ADD2: variants seen among roughly 807,000 people sequenced by gnomAD.
The protein encoded by ADD2 is adducin 2.
In ADD2, 23 loss-of-function variants were observed where a neutral mutation model predicts 83.0. The observed-to-expected ratio is 0.28, with a 90% CI of 0.20 to 0.39. ADD2 has a LOEUF of 0.39. Among genes scored for constraint, ADD2 ranks in the 10% least tolerant of loss-of-function variants. The pLI, the probability that ADD2 is intolerant of heterozygous loss-of-function variation, is 1.00. For synonymous variants in ADD2, 375 were observed against 375.4 expected, an observed-to-expected ratio of 1.00 and a Z score of 0.01; for missense variants, 758 against 944.9, an observed-to-expected ratio of 0.80 and a Z score of 2.59.
In ADD2 at chr2:70,761,226, A is replaced by AT. The variant is rs377105152; in HGVS notation, c.-154+6659_-154+6660insA. 5.0e-3 allele frequency among the ~76,000 whole-genome samples: 619 copies of AT among 122,798 alleles called. 3 individuals carry two copies. Among genetic ancestry groups the AT allele is most frequent in the African/African-American group, 0.012 (285 of 24,264 alleles). The allele number at this position is 122,798 out of a possible 152,430, so 80.6% of individuals were successfully genotyped here. ...ATTCTGGAAAGCAAAAGCATGCATTACTTTTTTTTTTTTTTAAAGACAATA... is the reference window on the plus strand; with the variant it reads ...ATTCTGGAAAGCAAAAGCATGCATTATCTTTTTTTTTTTTTTAAAGACAATA... On this transcript the variant is annotated intron_variant, in intron 1 of 15. Coordinates refer to ENST00000264436, the MANE Select transcript of ADD2 (RefSeq NM_001617.4).
At chr2:70,745,212 G>A (rs1388398938) in intron 1 of ADD2, among the ~76,000 whole-genome samples, 2 of 152,096 alleles carry the variant, frequency 1.3e-5, no homozygotes, top group Non-Finnish European at 1.5e-5. Context: ...TGTGAACCCG[G>A]AGGGCGGAGC....
At position 70,663,414 on chromosome 2, in the gene ADD2, G is replaced by A. The variant is rs1031364020; in HGVS notation, c.*11C>T. On this transcript the variant is annotated 3_prime_UTR_variant, in exon 16 of 16. Coordinates refer to ENST00000264436, the MANE Select transcript of ADD2 (RefSeq NM_001617.4). ...GAGAGGAGGCAGGAGGGAGCCCAAG[G>A]GTGTCATGAATCAGGACTCCACTTT... The A allele has an allele frequency of 1.2e-6, 2 of 1,607,986 alleles. No homozygotes were observed. The highest frequency in any genetic ancestry group is 3.5e-4 in the Middle Eastern group (2 of 5,688).
intron 5 of ADD2, 64 bp from the exon 6 acceptor site, chr2:70,695,865 G>A (rs372250866): frequency 2.9e-6 from 4 of 1,400,034 alleles, no homozygotes; most frequent in East Asian, 2.3e-5. Context: ...AGGACACTGT[G>A]CTTGAATCCC....
intron 10 of ADD2, among the ~76,000 whole-genome samples, chr2:70,680,365 T>A (rs1553369326): frequency 1.3e-5 from 2 of 152,264 alleles, no homozygotes; most frequent in African/African-American, 4.8e-5. Flanking sequence ...CTGGATTCTC[T>A]AAGCTGTTGC....
intron 1 of ADD2, among the ~76,000 whole-genome samples, chr2:70,739,357 G>T (rs924068971): frequency 4.6e-5 from 7 of 152,138 alleles, no homozygotes; most frequent in African/African-American, 1.2e-4. Flanking sequence ...AGGTCAGAAT[G>T]GTTATTATTA....
chr2:70,764,384 A>G (rs1484975400), intron 1 of ADD2, among the ~76,000 whole-genome samples: 1 of 151,916 alleles, frequency 6.6e-6, no homozygotes, highest in Admixed American at 6.5e-5. Context: ...ATCCCTGCCA[A>G]TAGAGCAGTG....
intron 1 of ADD2, among the ~76,000 whole-genome samples, chr2:70,721,198 A>G (rs1418984249): frequency 6.6e-6 from 1 of 152,138 alleles, no homozygotes; most frequent in African/African-American, 2.4e-5. Flanking sequence ...TGTTGTTGAC[A>G]TTTTCCTTAC....
At chr2:70,729,445 T>C (rs1238669500) in intron 1 of ADD2, among the ~76,000 whole-genome samples, 1 of 152,194 alleles carries the variant, frequency 6.6e-6, no homozygotes, top group African/African-American at 2.4e-5. Context: ...AAGAAATTTC[T>C]ATTTACCTTG....
chr2:70,711,004 T>TA (rs1392123854), intron 2 of ADD2: 3 of 152,138 alleles, frequency 2.0e-5, no homozygotes, highest in African/African-American at 7.2e-5. Flanking sequence ...TGTTTTAGTC[T>TA]AAAAAACTAA....
chr2:70,664,794 TG>T, intron 15 of ADD2, among the ~76,000 whole-genome samples: 1 of 151,736 alleles, frequency 6.6e-6, no homozygotes, highest in East Asian at 1.9e-4. Context: ...TTGTGTGTGG[TG>T]TAAGTGTGTA....
rs1553365435 is a variant in ADD2 at position 70,663,416 on chromosome 2, T to C, written c.*9A>G. The C allele has an allele frequency of 2.5e-6, 4 of 1,607,124 alleles. No homozygotes were observed. Among genetic ancestry groups the C allele is most frequent in the Non-Finnish European group, 3.4e-6 (4 of 1,176,504 alleles). Reference sequence around the variant, plus strand: ...GAGGAGGCAGGAGGGAGCCCAAGGGTGTCATGAATCAGGACTCCACTTTCT... The same window carrying C: ...GAGGAGGCAGGAGGGAGCCCAAGGGCGTCATGAATCAGGACTCCACTTTCT... On this transcript the variant is annotated 3_prime_UTR_variant, in exon 16 of 16. Coordinates refer to ENST00000264436, the MANE Select transcript of ADD2 (RefSeq NM_001617.4).
intron 4 of ADD2, 104 bp from the exon 5 acceptor site, chr2:70,696,500 A>G: frequency 1.4e-6 from 2 of 1,463,246 alleles, no homozygotes; most frequent in Admixed American, 3.9e-5. Context: ...TGCACAGGAG[A>G]CTTCCCCAGG....
rs146561886 is a variant in ADD2, at chr2:70,683,703, C to T, written c.1013G>A (p.Arg338Gln). ...NLILLEQEKH[R>Q]PHEVGSVQWA... ...CTGCACGGAGCCCACCTCATGGGGC[C>T]GGTGCTTCTCCTGCTCCAGGAGGAT... Residue 338 changes from arginine to glutamine, a missense_variant, in exon 10 of 16, where the codon CGG becomes CAG. Around this residue, in one of 5 missense-constraint regions of ADD2, gnomAD observed 394 missense variants for 509.3 expected, o/e 0.77. Coordinates refer to ENST00000264436, the MANE Select transcript of ADD2 (RefSeq NM_001617.4). 3.3e-5 allele frequency: 53 copies of T among 1,614,006 alleles called. No individual in the cohort carries two copies. The highest frequency in any genetic ancestry group is 3.8e-5 in the Non-Finnish European group (45 of 1,180,018).
chr2:70,768,157 T>G lies in ADD2; in HGVS notation c.-425A>C. On this transcript the variant is annotated 5_prime_UTR_variant, in exon 1 of 16. Coordinates refer to ENST00000264436, the MANE Select transcript of ADD2 (RefSeq NM_001617.4). ...CCGCTAGTCCCTCACAGCCCTGCCG[T>G]CAGAATTAAAGCCATTTCCCGCACG... 1 of 609,626 alleles carries G rather than the reference T, an allele frequency of 1.6e-6. No homozygotes were observed. The highest frequency in any genetic ancestry group is 2.0e-5 in the South Asian group (1 of 50,090). The allele number at this position is 609,626 out of a possible 1,614,324, so 37.8% of individuals were successfully genotyped here.
chr2:70,696,490 T>A, intron 4 of ADD2, 94 bp from the exon 5 acceptor site: 1 of 1,517,062 alleles, frequency 6.6e-7, no homozygotes, highest in South Asian at 1.2e-5. Context: ...GCACTAAAAC[T>A]GCACAGGAGA....
intron 10 of ADD2, among the ~76,000 whole-genome samples, chr2:70,680,204 T>A (rs1044311821): frequency 1.4e-4 from 21 of 152,220 alleles, no homozygotes; most frequent in Non-Finnish European, 2.5e-4. Context: ...TTTACCATTT[T>A]GACAAACCAG....
At chr2:70,675,365 A>G in intron 13 of ADD2, 2 of 986,024 alleles carry the variant, frequency 2.0e-6, no homozygotes, top group Non-Finnish European at 2.4e-6. Context: ...CACAGTTGTA[A>G]GTGACAAAGG....
At chr2:70,677,381 T>C (rs1433630271) in intron 12 of ADD2, among the ~76,000 whole-genome samples, 1 of 152,176 alleles carries the variant, frequency 6.6e-6, no homozygotes, top group East Asian at 1.9e-4. Context: ...ACTGCAGTTT[T>C]AAAGTAACAT....
At chr2:70,765,209 C>T (rs370223073) in intron 1 of ADD2, among the ~76,000 whole-genome samples, 13 of 152,146 alleles carry the variant, frequency 8.5e-5, no homozygotes, top group South Asian at 6.2e-4. Flanking sequence ...AAAAATTAGC[C>T]GGGCGTGGTG....
Sources: gnomAD v4.1 joint callset for allele counts (sites outside exome capture counted in the v4.1 genomes callset) on GRCh38, gnomAD v4.1.1 for gene constraint, gnomAD v4.1.1 regional missense constraint, MANE v1.5 for transcripts, NCBI Gene and HGNC (gene_info 2026-07-23, HGNC 2026-07-21) for gene names.